DMD: variants seen among roughly 807,000 people sequenced by gnomAD.
DMD encodes the protein dystrophin, also known as mutant dystrophin.
A neutral mutation model predicts 330.1 loss-of-function variants in DMD; 63 were observed. The ratio of observed to expected loss-of-function variants is 0.19; its 90% CI spans 0.16 to 0.24. The LOEUF (loss-of-function observed/expected upper bound fraction) is 0.24, where lower values mean the gene tolerates loss of function less well. Ranked by LOEUF, DMD falls within the 10% of genes least tolerant of loss-of-function variation. The pLI is 1.00. For synonymous variants in DMD, 1,223 were observed against 959.8 expected (o/e 1.27, Z -5.07); for missense variants, 3,344 against 2,684.1 (o/e 1.25, Z -5.43).
chrX:32,122,755 C>A (rs1462987667), intron 44 of DMD, among the ~76,000 whole-genome samples: 4 of 110,972 alleles, frequency 3.6e-5, no homozygotes, highest in Non-Finnish European at 7.5e-5. Flanking sequence ...CTAATGTGAA[C>A]CTTTTTTCTC....
intron 2 of DMD, among the ~76,000 whole-genome samples, chrX:32,915,196 C>T (rs2087680697): frequency 8.9e-6 from 1 of 111,760 alleles, no homozygotes; most frequent in Non-Finnish European, 1.9e-5. Flanking sequence ...ATGTCATTGC[C>T]AACTTTCTAG....
chrX:31,735,964 T>C (rs1017446576), intron 51 of DMD, among the ~76,000 whole-genome samples: 2 of 111,819 alleles, frequency 1.8e-5, no homozygotes, highest in East Asian at 5.6e-4. Context: ...GATTCATACT[T>C]GGTTTCATGC....
At chrX:31,882,425 A>G (rs2094086795) in intron 47 of DMD, among the ~76,000 whole-genome samples, 1 of 111,852 alleles carries the variant, frequency 8.9e-6, no homozygotes, top group African/African-American at 3.2e-5. Flanking sequence ...TGTAAAAGGC[A>G]AAAAAATAAA....
chrX:32,428,342 A>G (rs1444726523), intron 29 of DMD, among the ~76,000 whole-genome samples: 2 of 111,971 alleles, frequency 1.8e-5, no homozygotes, highest in African/African-American at 6.5e-5. Flanking sequence ...ATTTAAGAGT[A>G]TTTCCCTAAT....
chrX:33,176,459 G>A (rs756704596), intron 1 of DMD, among the ~76,000 whole-genome samples: 2 of 108,935 alleles, frequency 1.8e-5, no homozygotes, highest in Admixed American at 2.0e-4. Flanking sequence ...TAATTATATT[G>A]TCAACTAAAA....
intron 67 of DMD, among the ~76,000 whole-genome samples, chrX:31,198,490 T>C (rs960246651): frequency 8.9e-6 from 1 of 112,367 alleles, no homozygotes; most frequent in African/African-American, 3.2e-5. Flanking sequence ...ATTACTCTGA[T>C]TGTGTTACCC....
intron 63 of DMD, among the ~76,000 whole-genome samples, chrX:31,235,068 G>C (rs2047589284): frequency 9.0e-6 from 1 of 111,672 alleles, no homozygotes; most frequent in Non-Finnish European, 1.9e-5. Context: ...TTGCTAAACT[G>C]ATTTAGCAGG....
intron 4 of DMD, among the ~76,000 whole-genome samples, chrX:32,838,671 A>G (rs746597523): frequency 8.9e-6 from 1 of 111,864 alleles, no homozygotes; most frequent in Non-Finnish European, 1.9e-5. Flanking sequence ...GCCAACATAC[A>G]TACGAAAAAA....
intron 62 of DMD, among the ~76,000 whole-genome samples, chrX:31,267,876 T>G (rs1886982336): frequency 8.9e-6 from 1 of 112,623 alleles, no homozygotes; most frequent in Non-Finnish European, 1.9e-5. Flanking sequence ...CATAACACCT[T>G]AGATTAGCAT....
intron 1 of DMD, among the ~76,000 whole-genome samples, chrX:33,295,434 A>G (rs1210201225): frequency 9.0e-6 from 1 of 110,803 alleles, no homozygotes; most frequent in East Asian, 2.8e-4. Flanking sequence ...TGGTTAAAAT[A>G]TACCTACACA....
chrX:32,179,604 C>A (rs918421791), intron 44 of DMD, among the ~76,000 whole-genome samples: 4 of 111,980 alleles, frequency 3.6e-5, no homozygotes, highest in Non-Finnish European at 7.5e-5. Flanking sequence ...CTCAGGGGAG[C>A]ATACCTTGAT....
intron 1 of DMD, among the ~76,000 whole-genome samples, chrX:33,334,548 C>G (rs1021550607): frequency 1.8e-5 from 2 of 111,120 alleles, no homozygotes; most frequent in African/African-American, 3.3e-5. Flanking sequence ...AGCATATAAA[C>G]AAATAAATGG....
intron 16 of DMD, among the ~76,000 whole-genome samples, chrX:32,549,557 C>A (rs1033132284): frequency 6.2e-5 from 7 of 112,175 alleles, no homozygotes; most frequent in Non-Finnish European, 1.1e-4. Context: ...TGGTAAATAT[C>A]AGCAGTAACC....
chrX:32,133,959 T>A (rs1019978710), intron 44 of DMD, among the ~76,000 whole-genome samples: 1 of 111,663 alleles, frequency 9.0e-6, no homozygotes, highest in African/African-American at 3.3e-5. Context: ...CTGCATTGAC[T>A]GTTTACTGAA....
intron 17 of DMD, 150 bp from the exon 18 acceptor site, chrX:32,518,281 C>G (rs922023892): frequency 1.7e-6 from 1 of 577,995 alleles, no homozygotes; most frequent in Non-Finnish European, 2.7e-6. Flanking sequence ...ACTATTTTCC[C>G]TGTTAGGTAG....
chrX:32,338,195 T>G (rs1161983527), intron 41 of DMD, among the ~76,000 whole-genome samples: 1 of 111,570 alleles, frequency 9.0e-6, no homozygotes, highest in Non-Finnish European at 1.9e-5. Flanking sequence ...TCTTTTGTCT[T>G]AAGTAACCCT....
chrX:32,465,477 G>C (rs1334991463), intron 23 of DMD, among the ~76,000 whole-genome samples: 3 of 109,319 alleles, frequency 2.7e-5, no homozygotes, highest in Non-Finnish European at 3.8e-5. Context: ...TTATCTAAGA[G>C]AACTTCAAGA....
In DMD at chrX:32,811,178, T is replaced by TAA. The variant is rs751834619; in HGVS notation, c.531-1569_531-1568dup. Among the ~76,000 whole-genome samples, 363 of 86,495 alleles carry TAA rather than the reference T, an allele frequency of 4.2e-3. 1 individual carries two copies. Among genetic ancestry groups the TAA allele is most frequent in the African/African-American group, 0.014 (343 of 23,814 alleles). 75.1% of individuals were successfully genotyped at this position (86,495 alleles called of 115,157 possible). ...GTGAGACCTGGTCTCTACAACTTAT[T>TAA]AAAAAAAAAAAAAAAAAATAGCCAA... On this transcript the variant is annotated intron_variant, in intron 6 of 78. Transcript: ENST00000357033.
intron 62 of DMD, among the ~76,000 whole-genome samples, chrX:31,306,020 A>T (rs2055004104): frequency 8.9e-6 from 1 of 112,162 alleles, no homozygotes; most frequent in African/African-American, 3.2e-5. Flanking sequence ...TATATATTTG[A>T]ACTACCTTAA....
Sources: gnomAD v4.1 joint callset for allele counts (sites outside exome capture counted in the v4.1 genomes callset) on GRCh38, gnomAD v4.1.1 for gene constraint, MANE v1.5 for transcripts, NCBI Gene and HGNC (gene_info 2026-07-23, HGNC 2026-07-21) for gene names.